The following BCCIP variants were observed in gnomAD, a reference collection of about 807,000 sequenced individuals.
BCCIP encodes BRCA2 and CDKN1A interacting protein.
In BCCIP, 23 loss-of-function variants were observed where a neutral mutation model predicts 32.8. That is an observed-to-expected ratio of 0.70 (90% CI 0.51 to 0.99). The LOEUF (loss-of-function observed/expected upper bound fraction) is 0.99. Ranked by LOEUF, BCCIP falls within the 50% of genes least tolerant of loss-of-function variation. The pLI is 0.00. For missense variants in BCCIP, 378 were observed against 379.8 expected, an observed-to-expected ratio of 1.00 and a Z score of 0.04; for synonymous variants, 144 against 137.6, an observed-to-expected ratio of 1.05 and a Z score of -0.33.
downstream of BCCIP, chr10:125,841,318 A>G: frequency 6.2e-7 from 1 of 1,614,182 alleles, no homozygotes; most frequent in Admixed American, 1.7e-5. Flanking sequence ...ACCAGTTCCG[A>G]TACAGCACAA....
At chr10:125,835,793 CTTAAT>C (rs776025606) in intron 6 of BCCIP, among the ~76,000 whole-genome samples, 1 of 152,028 alleles carries the variant, frequency 6.6e-6, no homozygotes, top group Non-Finnish European at 1.5e-5. Flanking sequence ...TTTTACAAGT[CTTAAT>C]TTCATTATGT....
chr10:125,852,643 CT>C (rs888005894), intron 7 of BCCIP: 1 of 1,601,094 alleles, frequency 6.2e-7, no homozygotes, highest in Non-Finnish European at 8.5e-7. Flanking sequence ...GGTTGTACAC[CT>C]TTAAATGGAA....
At chr10:125,847,641 CAT>C (rs1387093662), downstream of BCCIP, among the ~76,000 whole-genome samples, 1 of 152,190 alleles carries the variant, frequency 6.6e-6, no homozygotes, top group Non-Finnish European at 1.5e-5. Context: ...AAGCTCGTTA[CAT>C]GTGCACTTTA....
intron 6 of BCCIP, among the ~76,000 whole-genome samples, chr10:125,835,369 A>G (rs1854643390): frequency 2.0e-5 from 3 of 152,174 alleles, no homozygotes; most frequent in Admixed American, 6.5e-5. Flanking sequence ...TCACGAGGTC[A>G]GGAGATCAGA....
chr10:125,835,837 A>C (rs1854666206), intron 6 of BCCIP, among the ~76,000 whole-genome samples: 1 of 152,254 alleles, frequency 6.6e-6, no homozygotes, highest in South Asian at 2.1e-4. Flanking sequence ...CAATTAAATG[A>C]AAATACCACT....
rs768238908 is a variant in BCCIP at position 125,827,652 on chromosome 10, T to C, written c.321+14T>C. 8 of 1,555,726 alleles carry C rather than the reference T, an allele frequency of 5.1e-6. No homozygotes were observed. The South Asian group carries it at 8.9e-5, about 17-fold the overall frequency. ...AGTGTGATTAAGGTAAGTAGGATAA[T>C]TGTGTTTATTCTGATTAAATGAGTT... On this transcript the variant is annotated intron_variant, in intron 3 of 6. Coordinates refer to ENST00000278100, the MANE Select transcript of BCCIP (RefSeq NM_078468.3).
In BCCIP at chr10:125,849,405, T is replaced by G. The variant is rs115649527; in HGVS notation, c.851-3720T>G. Among the ~76,000 whole-genome samples the G allele has an allele frequency of 4.6e-3, 706 of 152,342 alleles. 3 individuals carry two copies. The highest frequency in any genetic ancestry group is 0.016 in the African/African-American group (652 of 41,582). The stretch of plus-strand genomic sequence containing the variant: ...TTGTTTTCACTTTCTGTAACATTAT[T>G]TACTTTATTGTTTCCAAGATCCTCA... On this transcript the variant is annotated intron_variant, in intron 7 of 7. Transcript: ENST00000368759.
downstream of BCCIP, chr10:125,841,255 G>A (rs776168488): frequency 5.6e-6 from 9 of 1,613,812 alleles, no homozygotes; most frequent in East Asian, 1.3e-4. Context: ...ATTCCGGCAG[G>A]AGCAGGGAAA....
At chr10:125,835,322 T>C (rs1854641581) in intron 6 of BCCIP, among the ~76,000 whole-genome samples, 1 of 152,134 alleles carries the variant, frequency 6.6e-6, no homozygotes, top group South Asian at 2.1e-4. Flanking sequence ...GGCTCATGCC[T>C]GTAATCCCAG....
At chr10:125,827,306 C>T (rs1854419864) in intron 2 of BCCIP, among the ~76,000 whole-genome samples, 3 of 152,008 alleles carry the variant, frequency 2.0e-5, no homozygotes, top group African/African-American at 7.2e-5. Context: ...TTAAGTTTAT[C>T]CTCTCTCGTT....
At chr10:125,834,933 C>G (rs578186981) in intron 6 of BCCIP, among the ~76,000 whole-genome samples, 1 of 151,376 alleles carries the variant, frequency 6.6e-6, no homozygotes. Context: ...GAGATCGAGA[C>G]CATCCTGGCT....
At chr10:125,850,153 A>T (rs1313608304) in intron 7 of BCCIP, among the ~76,000 whole-genome samples, 1 of 147,358 alleles carries the variant, frequency 6.8e-6, no homozygotes, top group Non-Finnish European at 1.5e-5. Flanking sequence ...AAAAAAAAAA[A>T]ATTTGTAGAG....
exon 8 of BCCIP, chr10:125,853,168 T>C (rs757281094): frequency 3.7e-6 from 6 of 1,613,396 alleles, no homozygotes; most frequent in Non-Finnish European, 5.1e-6. Flanking sequence ...CTCTGAAGGC[T>C]GGACTAATTC....
Position 125,833,920 on chromosome 10 carries a change from A to G in BCCIP, c.748A>G (p.Asn250Asp). ...NKKKAALMFA[N>D]AEEEFFYEKA... ...AAAGAAAGCTGCGTTAATGTTTGCA[A>G]ATGCAGAGGAAGAATTTTTCTATGA... The change falls in exon 6 of 7, where the codon AAT becomes GAT. Residue 250 changes from asparagine (N) to aspartate (D), a missense_variant. Asn to Asp is a conservative substitution (Grantham distance 23). Transcript: ENST00000278100. 6.2e-7 allele frequency: 1 copy of G among 1,614,252 alleles called. No homozygotes were observed. The highest frequency in any genetic ancestry group is 8.5e-7 in the Non-Finnish European group (1 of 1,180,050).
chr10:125,827,155 T>C (rs1854414522), intron 2 of BCCIP, among the ~76,000 whole-genome samples: 1 of 152,004 alleles, frequency 6.6e-6, no homozygotes, highest in African/African-American at 2.4e-5. Flanking sequence ...TCACAATTCT[T>C]ATGTAACAGT....
intron 3 of BCCIP, among the ~76,000 whole-genome samples, chr10:125,828,418 G>A (rs1436112752): frequency 6.6e-6 from 1 of 151,822 alleles, no homozygotes; most frequent in Non-Finnish European, 1.5e-5. Flanking sequence ...CGCAGGGAGG[G>A]AAGGGACAGA....
intron 2 of BCCIP, 77 bp downstream of exon 2, chr10:125,826,742 A>C: frequency 6.4e-7 from 1 of 1,562,030 alleles, no homozygotes; most frequent in Non-Finnish European, 8.7e-7. Flanking sequence ...GTTCATGCCT[A>C]TAATCTCAGC....
At chr10:125,838,204 A>G, downstream of BCCIP, 1 of 1,575,064 alleles carries the variant, frequency 6.3e-7, no homozygotes, top group Non-Finnish European at 8.6e-7. Context: ...CATTAAACTT[A>G]CAGTTCAGGA....
rs893380551 is a variant in BCCIP, at chr10:125,830,496, G to C, written c.322-66G>C. The C allele has an allele frequency of 1.2e-5, 13 of 1,083,178 alleles. No homozygotes were observed. The African/African-American group carries it at 2.0e-4, about 17-fold the overall frequency. The allele number at this position is 1,083,178 out of a possible 1,614,324, so 67.1% of individuals were successfully genotyped here. ...AAGATAAATGAGGCCTACATCCCAA[G>C]ACTTGGTTTTATACTCTTGGTATTA... On this transcript the variant is annotated intron_variant, in intron 3 of 6. Coordinates refer to ENST00000278100, the MANE Select transcript of BCCIP (RefSeq NM_078468.3).
Sources: gnomAD v4.1 joint callset for allele counts (sites outside exome capture counted in the v4.1 genomes callset) on GRCh38, gnomAD v4.1.1 for gene constraint, MANE v1.5 for transcripts, NCBI Gene and HGNC (gene_info 2026-07-23, HGNC 2026-07-21) for gene names.